The following ARSB variants were observed in gnomAD, a reference collection of about 807,000 sequenced individuals.
ARSB encodes arylsulfatase B.
Under a neutral mutation model 50.9 loss-of-function variants are expected in ARSB, and 41 were observed. The ratio of observed to expected loss-of-function variants is 0.81; its 90% confidence interval spans 0.63 to 1.04. The LOEUF is 1.04. Ranked by LOEUF, ARSB falls within the 50% of genes least tolerant of loss-of-function variation. The probability of loss-of-function intolerance (pLI) is 0.00; values close to 1 mark genes in which losing one functional copy is unlikely to be tolerated. For missense variants in ARSB, 672 were observed against 693.3 expected (o/e 0.97, Z 0.35); for synonymous variants, 269 against 284.8 (o/e 0.94, Z 0.56).
Position 78,830,477 on chromosome 5 carries a change from G to A in ARSB, c.1213+8879C>T, listed in dbSNP as rs146399240. On this transcript the variant is annotated intron_variant, in intron 6 of 7. Transcript: ENST00000264914. ...GGGCAGCGGGATTTGCCATTTCTGC[G>A]TAGCCTAGGCCAGTGGTGAGAGTTA... Among the ~76,000 whole-genome samples the A allele has an allele frequency of 4.6e-5, 7 of 152,300 alleles. No individual in the cohort carries two copies. The East Asian group carries it at 9.6e-4, about 21-fold the overall frequency.
chr5:78,963,414 A>G (rs1398346528), intron 3 of ARSB, among the ~76,000 whole-genome samples: 1 of 152,212 alleles, frequency 6.6e-6, no homozygotes, highest in Non-Finnish European at 1.5e-5. Flanking sequence ...ACCTTCAGGC[A>G]TTGTCAAAGA....
chr5:78,936,555 G>C (rs1450443295), intron 4 of ARSB, among the ~76,000 whole-genome samples: 1 of 151,620 alleles, frequency 6.6e-6, no homozygotes, highest in Non-Finnish European at 1.5e-5. Context: ...CCCTTAACTT[G>C]AATCAAAATA....
intron 4 of ARSB, among the ~76,000 whole-genome samples, chr5:78,928,919 C>T (rs554709860): frequency 1.6e-4 from 24 of 152,286 alleles, no homozygotes; most frequent in Middle Eastern, 3.4e-3. Context: ...AAAGGCTGGA[C>T]AGGCCTAGTC....
chr5:78,894,105 G>A (rs566549000), intron 4 of ARSB, among the ~76,000 whole-genome samples: 1 of 152,324 alleles, frequency 6.6e-6, no homozygotes, highest in Admixed American at 6.5e-5. Context: ...TAATGAATGA[G>A]AAAAGTACCA....
At chr5:78,853,666 A>T (rs1366681405) in intron 5 of ARSB, among the ~76,000 whole-genome samples, 1 of 152,228 alleles carries the variant, frequency 6.6e-6, no homozygotes, top group African/African-American at 2.4e-5. Flanking sequence ...CCAGAGGTGG[A>T]GCCTACAGAG....
intron 4 of ARSB, among the ~76,000 whole-genome samples, chr5:78,929,389 A>T (rs889775060): frequency 1.3e-5 from 2 of 152,132 alleles, no homozygotes; most frequent in Non-Finnish European, 2.9e-5. Context: ...GGGAAAGGAA[A>T]TCTCCACACC....
At chr5:78,932,497 G>A (rs1750373978) in intron 4 of ARSB, among the ~76,000 whole-genome samples, 1 of 152,140 alleles carries the variant, frequency 6.6e-6, no homozygotes. Flanking sequence ...TATCTTTCTA[G>A]AACTTCAATT....
intron 5 of ARSB, among the ~76,000 whole-genome samples, chr5:78,851,879 C>T (rs1433712277): frequency 6.6e-6 from 1 of 152,036 alleles, no homozygotes; most frequent in East Asian, 1.9e-4. Flanking sequence ...ACTAGGATTG[C>T]AACCCCTGCC....
chr5:78,886,990 A>G (rs1561483292), intron 4 of ARSB, among the ~76,000 whole-genome samples: 1 of 152,210 alleles, frequency 6.6e-6, no homozygotes, highest in Non-Finnish European at 1.5e-5. Context: ...GGGTTGGCAG[A>G]CCTGGAATAG....
intron 6 of ARSB, among the ~76,000 whole-genome samples, chr5:78,797,690 G>A (rs1300502795): frequency 1.3e-5 from 2 of 152,148 alleles, no homozygotes; most frequent in African/African-American, 4.8e-5. Flanking sequence ...GGTAAGGGTA[G>A]GAATCACAGA....
At chr5:78,879,868 G>A (rs1747662823) in intron 5 of ARSB, among the ~76,000 whole-genome samples, 1 of 152,076 alleles carries the variant, frequency 6.6e-6, no homozygotes, top group African/African-American at 2.4e-5. Context: ...CTCAAGCAAT[G>A]GGAACAGAAT....
intron 5 of ARSB, among the ~76,000 whole-genome samples, chr5:78,858,584 T>G (rs1581052260): frequency 1.3e-5 from 2 of 152,340 alleles, no homozygotes; most frequent in South Asian, 4.1e-4. Flanking sequence ...TGGTATTACA[T>G]TCCATACTTC....
At chr5:78,981,562 T>G (rs1752904882) in intron 1 of ARSB, among the ~76,000 whole-genome samples, 1 of 152,234 alleles carries the variant, frequency 6.6e-6, no homozygotes, top group Non-Finnish European at 1.5e-5. Flanking sequence ...AGTTAGAAAC[T>G]CGCCCTAATG....
intron 5 of ARSB, among the ~76,000 whole-genome samples, chr5:78,869,668 G>A (rs986851464): frequency 4.0e-5 from 6 of 151,540 alleles, no homozygotes; most frequent in African/African-American, 1.5e-4. Flanking sequence ...AAAGCAGTGT[G>A]TAGAGGGAAA....
intron 4 of ARSB, among the ~76,000 whole-genome samples, chr5:78,914,626 A>T (rs553416667): frequency 6.6e-6 from 1 of 152,238 alleles, no homozygotes; most frequent in East Asian, 1.9e-4. Context: ...CCCAACAAAT[A>T]CTCAGAGCCA....
At chr5:78,835,662 C>T (rs930587289) in intron 6 of ARSB, among the ~76,000 whole-genome samples, 1 of 152,186 alleles carries the variant, frequency 6.6e-6, no homozygotes. Flanking sequence ...GGCAACATCA[C>T]TGCTTATCAA....
At chr5:78,884,647 G>A (rs937294276) in intron 5 of ARSB, 1 of 151,964 alleles carries the variant, frequency 6.6e-6, no homozygotes, top group Non-Finnish European at 1.5e-5. Flanking sequence ...CATTCCACCC[G>A]TAAAAATAAT....
intron 4 of ARSB, among the ~76,000 whole-genome samples, chr5:78,937,310 CATATATATGTAAGAT>C (rs1377212007): frequency 1.1e-3 from 118 of 106,724 alleles, no homozygotes; most frequent in East Asian, 6.4e-3. Flanking sequence ...ATATATATAT[CATATATATGTAAGAT>C]ATATATATGT....
intron 4 of ARSB, among the ~76,000 whole-genome samples, chr5:78,917,587 A>T (rs1362179667): frequency 6.6e-6 from 1 of 152,168 alleles, no homozygotes; most frequent in South Asian, 2.1e-4. Flanking sequence ...ATCTTGGCTC[A>T]TCGCAACCTC....
Sources: gnomAD v4.1 joint callset for allele counts (sites outside exome capture counted in the v4.1 genomes callset) on GRCh38, gnomAD v4.1.1 for gene constraint, MANE v1.5 for transcripts, NCBI Gene and HGNC (gene_info 2026-07-23, HGNC 2026-07-21) for gene names.